The following CHMP3 variants were observed in gnomAD, a reference collection of about 807,000 sequenced individuals.
CHMP3 encodes charged multivesicular body protein 3.
Under a neutral mutation model 27.4 loss-of-function variants are expected in CHMP3, and 8 were observed. That is an observed-to-expected ratio of 0.29 (90% CI 0.17 to 0.53). The LOEUF is 0.53. Ranked by LOEUF, CHMP3 falls within the 20% of genes least tolerant of loss-of-function variation. CHMP3 has a pLI of 0.96. For missense variants in CHMP3, 208 were observed against 271.5 expected (o/e 0.77, Z 1.64); for synonymous variants, 86 against 85.5 (o/e 1.01, Z -0.03).
At chr2:86,545,377 G>A (rs182012991) in intron 1 of CHMP3, among the ~76,000 whole-genome samples, 5 of 75,552 alleles carry the variant, frequency 6.6e-5, no homozygotes, top group Admixed American at 2.5e-4. Flanking sequence ...CTCACCTCCC[G>A]GACGGGGTGG....
intron 1 of CHMP3, among the ~76,000 whole-genome samples, chr2:86,546,370 A>G (rs1676601784): frequency 4.0e-5 from 1 of 25,262 alleles, no homozygotes. Flanking sequence ...AAGGGAGGGG[A>G]AGGGGGGGAG....
At chr2:86,555,085 T>A (rs1677068224) in intron 1 of CHMP3, among the ~76,000 whole-genome samples, 1 of 152,018 alleles carries the variant, frequency 6.6e-6, no homozygotes. Flanking sequence ...TGACCTCAAG[T>A]GATCTGCTCG....
Position 86,507,163 on chromosome 2 carries a change from G to A in CHMP3, c.523+316C>T, listed in dbSNP as rs769769507. ...ACAGGCGTGAGCCATCGCACTTGGC[G>A]AAGGCAAGGGCTTTTGAATGGCTAT... On this transcript the variant is annotated intron_variant, in intron 5 of 5. Transcript: ENST00000263856. 23 of 201,518 alleles carry A rather than the reference G, an allele frequency of 1.1e-4. 1 individual carries two copies. The Middle Eastern group carries it at 6.4e-3, about 56-fold the overall frequency. 12.5% of individuals were successfully genotyped at this position (201,518 alleles called of 1,614,324 possible).
intron 2 of CHMP3, among the ~76,000 whole-genome samples, chr2:86,537,174 T>A (rs779710515): frequency 9.9e-5 from 15 of 152,208 alleles, no homozygotes; most frequent in Non-Finnish European, 1.8e-4. Context: ...CTCTTTTTTT[T>A]CTTTCTGTTC....
chr2:86,530,578 T>C (rs1008972340), intron 2 of CHMP3, among the ~76,000 whole-genome samples: 1 of 152,252 alleles, frequency 6.6e-6, no homozygotes, highest in Non-Finnish European at 1.5e-5. Context: ...GACATTTTAC[T>C]TAACCATTCG....
At chr2:86,516,157 A>G (rs1190801945) in intron 3 of CHMP3, among the ~76,000 whole-genome samples, 2 of 151,170 alleles carry the variant, frequency 1.3e-5, no homozygotes, top group Admixed American at 6.6e-5. Flanking sequence ...AAAAAAAAAA[A>G]AAAAAAAGAA....
chr2:86,510,772 C>T (rs938544772), intron 3 of CHMP3: 1 of 293,856 alleles, frequency 3.4e-6, no homozygotes, highest in African/African-American at 2.2e-5. Context: ...CTTGGAGTAA[C>T]TGTGACACCC....
At chr2:86,539,356 A>T (rs1354674142) in intron 2 of CHMP3, among the ~76,000 whole-genome samples, 1 of 152,118 alleles carries the variant, frequency 6.6e-6, no homozygotes, top group Admixed American at 6.5e-5. Context: ...CAACAATTCT[A>T]TGAGATTCAA....
chr2:86,554,948 G>C (rs562616993), intron 1 of CHMP3, among the ~76,000 whole-genome samples: 6 of 151,208 alleles, frequency 4.0e-5, no homozygotes, highest in African/African-American at 1.2e-4. Flanking sequence ...CTGTGTTCAA[G>C]CAATTCTCCT....
chr2:86,541,223 A>G (rs1388419006), intron 2 of CHMP3: 4 of 151,906 alleles, frequency 2.6e-5, no homozygotes, highest in East Asian at 1.9e-4. Context: ...CCACTTCTCA[A>G]TCCTTTATTA....
At chr2:86,547,259 T>C (rs1676647412) in intron 1 of CHMP3, among the ~76,000 whole-genome samples, 1 of 152,220 alleles carries the variant, frequency 6.6e-6, no homozygotes, top group Admixed American at 6.5e-5. Context: ...TCTGTTGAAT[T>C]TGATTGCACG....
At chr2:86,516,723 A>C (rs1273605477) in intron 3 of CHMP3, among the ~76,000 whole-genome samples, 1 of 152,256 alleles carries the variant, frequency 6.6e-6, no homozygotes, top group Non-Finnish European at 1.5e-5. Flanking sequence ...ACATGTAAAC[A>C]CTTGAGTTAA....
intron 1 of CHMP3, chr2:86,561,740 T>A (rs996009009): frequency 6.6e-6 from 1 of 151,954 alleles, no homozygotes; most frequent in Admixed American, 6.6e-5. Flanking sequence ...TACTGAAGAG[T>A]GTACCAATAT....
At chr2:86,547,272 A>G (rs986006297) in intron 1 of CHMP3, among the ~76,000 whole-genome samples, 1 of 152,256 alleles carries the variant, frequency 6.6e-6, no homozygotes, top group African/African-American at 2.4e-5. Flanking sequence ...ATTGCACGGA[A>G]TACAAGATGT....
intron 4 of CHMP3, 149 bp downstream of exon 4, chr2:86,510,209 C>T: frequency 7.7e-7 from 1 of 1,292,382 alleles, no homozygotes; most frequent in Non-Finnish European, 1.0e-6. Context: ...CAAATGGTTT[C>T]AATCAATGTT....
chr2:86,536,337 G>A (rs746650747), intron 2 of CHMP3, among the ~76,000 whole-genome samples: 8 of 152,172 alleles, frequency 5.3e-5, no homozygotes, highest in Non-Finnish European at 1.0e-4. Context: ...CTTTAATGGA[G>A]ATACTTATTT....
chr2:86,524,783 TA>T (rs1210282995), intron 3 of CHMP3, among the ~76,000 whole-genome samples: 1 of 152,192 alleles, frequency 6.6e-6, no homozygotes, highest in Non-Finnish European at 1.5e-5. Flanking sequence ...GACAATTGTT[TA>T]AGCTGGGTGA....
In CHMP3 at chr2:86,549,722, G is replaced by A. The variant is rs1257525907; in HGVS notation, c.46-7410C>T. Among the ~76,000 whole-genome samples the A allele has an allele frequency of 1.4e-4, 20 of 140,938 alleles. 1 individual carries two copies. Among genetic ancestry groups the A allele is most frequent in the East Asian group, 1.4e-3 (6 of 4,368 alleles). The allele number at this position is 140,938 out of a possible 152,430, so 92.5% of individuals were successfully genotyped here. A position where few individuals can be genotyped will look rare whatever the true frequency, so the allele number is the denominator to read the frequency against. ...CCCTCACCTCCCAGATGGGGCGGCC[G>A]GGCAGAGGCACCCACTTCGCAGACG... is the stretch of plus-strand genomic sequence containing the variant. On this transcript the variant is annotated intron_variant, in intron 1 of 5. Coordinates refer to ENST00000263856, the MANE Select transcript of CHMP3 (RefSeq NM_016079.4).
At chr2:86,539,370 A>C (rs1024718721) in intron 2 of CHMP3, among the ~76,000 whole-genome samples, 6 of 152,180 alleles carry the variant, frequency 3.9e-5, no homozygotes, top group African/African-American at 1.4e-4. Flanking sequence ...GATTCAAAGA[A>C]GTTTACTAAG....
Sources: allele counts gnomAD v4.1 joint callset (sites outside exome capture counted in the v4.1 genomes callset), GRCh38; gene constraint gnomAD v4.1.1; transcripts MANE v1.5; gene names NCBI Gene and HGNC (gene_info 2026-07-23, HGNC 2026-07-21).